Variants in TASP1 observed in about 807,000 individuals in gnomAD.
TASP1 encodes taspase 1, also known as threonine aspartase 1.
In TASP1, 16 loss-of-function variants were observed where a neutral mutation model predicts 56.6. That is an observed-to-expected ratio of 0.28 (90% CI 0.19 to 0.43). TASP1 has a LOEUF of 0.43. Among genes scored for constraint, TASP1 ranks in the 20% least tolerant of loss-of-function variants. The probability of loss-of-function intolerance (pLI) is 1.00; values close to 1 mark genes in which losing one functional copy is unlikely to be tolerated. For missense variants in TASP1, 393 were observed against 511.6 expected (o/e 0.77, Z 2.24); for synonymous variants, 179 against 184.2 (o/e 0.97, Z 0.23).
chr20:13,565,570 C>T (rs1205382016), intron 7 of TASP1, among the ~76,000 whole-genome samples: 2 of 151,848 alleles, frequency 1.3e-5, no homozygotes, highest in Non-Finnish European at 2.9e-5. Flanking sequence ...ATAAAAATGG[C>T]CAATAAGCAC....
chr20:13,122,626 T>C, the TASP1 span, among the ~76,000 whole-genome samples: 75 of 152,362 alleles, frequency 4.9e-4, 1 homozygote, highest in Non-Finnish European at 1.0e-3. Context: ...AAACAGTACC[T>C]ACCTTAAAGA....
chr20:13,465,979 C>T (rs781703633), intron 11 of TASP1, among the ~76,000 whole-genome samples: 4 of 152,084 alleles, frequency 2.6e-5, no homozygotes, highest in Non-Finnish European at 5.9e-5. Flanking sequence ...ACTAAATACA[C>T]ATACACACAT....
the TASP1 span, among the ~76,000 whole-genome samples, chr20:13,225,599 A>C: frequency 6.6e-6 from 1 of 152,210 alleles, no homozygotes; most frequent in African/African-American, 2.4e-5. Flanking sequence ...CGATGTTACA[A>C]GGTGGCAGTA....
the TASP1 span, among the ~76,000 whole-genome samples, chr20:13,179,257 C>G: frequency 2.6e-5 from 4 of 151,910 alleles, no homozygotes; most frequent in African/African-American, 9.7e-5. Context: ...TTAATTAACT[C>G]AAGGTAAATA....
chr20:13,387,120 T>C (rs908847096), downstream of TASP1, among the ~76,000 whole-genome samples: 4 of 152,038 alleles, frequency 2.6e-5, no homozygotes, highest in Admixed American at 2.6e-4. Context: ...CATGCATTAT[T>C]TGATTTTCTG....
At chr20:13,158,408 C>T in the TASP1 span, among the ~76,000 whole-genome samples, 1 of 152,118 alleles carries the variant, frequency 6.6e-6, no homozygotes, top group African/African-American at 2.4e-5. Context: ...ATATATTTTG[C>T]CCTGCATTCT....
intron 13 of TASP1, among the ~76,000 whole-genome samples, chr20:13,400,275 A>C (rs2041689210): frequency 6.6e-6 from 1 of 152,218 alleles, no homozygotes; most frequent in Non-Finnish European, 1.5e-5. Context: ...TGTTTTATCA[A>C]ACTTTTACTC....
chr20:13,515,765 A>G (rs1453527897), intron 10 of TASP1, among the ~76,000 whole-genome samples: 3 of 152,038 alleles, frequency 2.0e-5, no homozygotes, highest in African/African-American at 7.2e-5. Context: ...TTTTTTCATG[A>G]CAGCTTGCCA....
intron 10 of TASP1, among the ~76,000 whole-genome samples, chr20:13,492,877 T>C (rs1442467516): frequency 6.6e-6 from 1 of 152,218 alleles, no homozygotes; most frequent in East Asian, 1.9e-4. Context: ...TGCGTTAGCA[T>C]TTCATAATTA....
Position 13,534,077 on chromosome 20 carries a change from G to C in TASP1, c.740C>G (p.Ala247Gly). 2 of 1,613,664 alleles carry C rather than the reference G, an allele frequency of 1.2e-6. No homozygotes were observed. Among genetic ancestry groups the C allele is most frequent in the Non-Finnish European group, 1.7e-6 (2 of 1,179,698 alleles). ...AVVVDHEGNV[A>G]AAVSSGGLAL... is the part of the protein sequence containing the mutation. ...CAAGCCTCCACTGGAGACAGCAGCA[G>C]CAACATTCCCTTCGTGGTCCACAAC... Residue 247 changes from alanine (A) to glycine (G), a missense_variant, in exon 9 of 14, where the codon GCT becomes GGT. Physicochemically the swap from Ala to Gly is moderately conservative, Grantham distance 60. Around this residue, in one of 3 missense-constraint regions of TASP1, gnomAD observed 293 missense variants for 354.2 expected, o/e 0.83. Coordinates refer to ENST00000337743, the MANE Select transcript of TASP1 (RefSeq NM_017714.3).
chr20:13,439,061 C>G (rs2043122495), intron 11 of TASP1, among the ~76,000 whole-genome samples: 1 of 152,172 alleles, frequency 6.6e-6, no homozygotes, highest in Non-Finnish European at 1.5e-5. Flanking sequence ...GTTGGTGGGA[C>G]TGTAAACTAG....
At chr20:13,614,251 T>C (rs112055874) in intron 4 of TASP1, among the ~76,000 whole-genome samples, 21 of 152,312 alleles carry the variant, frequency 1.4e-4, no homozygotes, top group African/African-American at 4.8e-4. Flanking sequence ...AAACATAGTA[T>C]GTTGAATACC....
At chr20:13,331,673 C>CT in the TASP1 span, among the ~76,000 whole-genome samples, 12,087 of 131,334 alleles carry the variant, frequency 0.092, 1,108 homozygotes, top group African/African-American at 0.24. Flanking sequence ...TTTTTTGTGG[C>CT]TTTTTTTTTT....
At chr20:13,274,437 C>T in the TASP1 span, among the ~76,000 whole-genome samples, 1 of 152,186 alleles carries the variant, frequency 6.6e-6, no homozygotes, top group African/African-American at 2.4e-5. Context: ...GGCTCCTGGC[C>T]TCATCTGCCC....
At chr20:13,360,172 C>T in the TASP1 span, among the ~76,000 whole-genome samples, 1,537 of 151,742 alleles carry the variant, frequency 0.01, 15 homozygotes, top group African/African-American at 0.035. Flanking sequence ...CCTGCCTCTA[C>T]AACCCATTAT....
At chr20:13,420,529 C>T (rs536199187) in intron 12 of TASP1, among the ~76,000 whole-genome samples, 13 of 152,248 alleles carry the variant, frequency 8.5e-5, no homozygotes, top group East Asian at 3.9e-4. Flanking sequence ...TATTAATTCA[C>T]GCTAGCTTGA....
chr20:13,129,232 C>T, the TASP1 span, among the ~76,000 whole-genome samples: 1 of 152,088 alleles, frequency 6.6e-6, no homozygotes, highest in African/African-American at 2.4e-5. Context: ...GAACACCTGG[C>T]CTCAAGTGAT....
At chr20:13,453,511 C>T (rs1439836705) in intron 11 of TASP1, among the ~76,000 whole-genome samples, 1 of 152,054 alleles carries the variant, frequency 6.6e-6, no homozygotes, top group African/African-American at 2.4e-5. Flanking sequence ...GGAAGACTCG[C>T]ATTGTAAACA....
intron 11 of TASP1, among the ~76,000 whole-genome samples, chr20:13,450,241 C>T (rs2043567956): frequency 1.3e-5 from 2 of 152,008 alleles, no homozygotes; most frequent in Non-Finnish European, 2.9e-5. Context: ...TGCTGGTGGG[C>T]GGTCTTGCCT....
Sources: gnomAD v4.1 joint callset for allele counts (sites outside exome capture counted in the v4.1 genomes callset) on GRCh38, gnomAD v4.1.1 for gene constraint, gnomAD v4.1.1 regional missense constraint, MANE v1.5 for transcripts, NCBI Gene and HGNC (gene_info 2026-07-23, HGNC 2026-07-21) for gene names.